The following METTL16 variants were observed in gnomAD, a reference collection of about 807,000 sequenced individuals.
The protein encoded by METTL16 is RNA N(6)-adenosine-methyltransferase METTL16.
METTL16 carries 19 observed loss-of-function variants against 57.9 expected under a neutral mutation model. The observed-to-expected ratio is 0.33, with a 90% CI of 0.23 to 0.48. The LOEUF (loss-of-function observed/expected upper bound fraction) is 0.48. METTL16 is among the 20% of genes least tolerant of loss of function. The probability of loss-of-function intolerance (pLI) is 0.99; values close to 1 mark genes in which losing one functional copy is unlikely to be tolerated. For missense variants in METTL16, 434 were observed against 691.5 expected, an observed-to-expected ratio of 0.63 and a Z score of 4.18; for synonymous variants, 246 against 255.6, an observed-to-expected ratio of 0.96 and a Z score of 0.36.
chr17:2,488,083 G>GA (rs897695162), intron 2 of METTL16, among the ~76,000 whole-genome samples: 10 of 151,670 alleles, frequency 6.6e-5, no homozygotes, highest in African/African-American at 2.2e-4. Context: ...TCTAAAAAAT[G>GA]AAAAAAACCT....
chr17:2,435,967 T>C (rs2066905995), intron 8 of METTL16, among the ~76,000 whole-genome samples: 3 of 152,130 alleles, frequency 2.0e-5, no homozygotes, highest in African/African-American at 7.2e-5. Context: ...TACGTGGACC[T>C]GACAAGGCTA....
At chr17:2,472,516 A>G (rs1400198398) in intron 4 of METTL16, among the ~76,000 whole-genome samples, 1 of 152,212 alleles carries the variant, frequency 6.6e-6, no homozygotes, top group African/African-American at 2.4e-5. Context: ...TTTATTTGTA[A>G]TTGTCAAAAT....
chr17:2,435,952 T>G (rs1345738349), intron 8 of METTL16, among the ~76,000 whole-genome samples: 2 of 152,100 alleles, frequency 1.3e-5, no homozygotes, highest in African/African-American at 4.8e-5. Context: ...AGCAGTGCCC[T>G]TTACTACGTG....
rs1305324314 is a variant in METTL16 at position 2,417,678 on chromosome 17, A to C, written c.*2292T>G. 1.3e-5 allele frequency: 2 copies of C among 152,196 alleles called. No homozygotes were observed. The highest frequency in any genetic ancestry group is 4.8e-5 in the African/African-American group (2 of 41,420). 9.4% of individuals were successfully genotyped at this position (152,196 alleles called of 1,614,324 possible). A position where few individuals can be genotyped will look rare whatever the true frequency, so the allele number is the denominator to read the frequency against. On this transcript the variant is annotated 3_prime_UTR_variant, in exon 10 of 10. Transcript: ENST00000263092. ...TGAATACGCAGCATGAGGACAACCA[A>C]AGTTAAACCCACACACTCACACACC...
intron 2 of METTL16, among the ~76,000 whole-genome samples, chr17:2,480,432 G>T (rs763286695): frequency 3.3e-5 from 5 of 152,166 alleles, no homozygotes; most frequent in African/African-American, 4.8e-5. Context: ...ACAGCAGACA[G>T]AAACAGGATG....
At chr17:2,495,189 G>A (rs1404969397) in intron 2 of METTL16, among the ~76,000 whole-genome samples, 2 of 151,784 alleles carry the variant, frequency 1.3e-5, no homozygotes, top group Non-Finnish European at 2.9e-5. Flanking sequence ...AAAATTAGCT[G>A]GGTGTGGCAG....
intron 2 of METTL16, among the ~76,000 whole-genome samples, chr17:2,498,466 G>A (rs564119934): frequency 5.3e-5 from 8 of 151,464 alleles, no homozygotes; most frequent in Admixed American, 4.6e-4. Flanking sequence ...AGCTGGGCGC[G>A]GTGGCTCACG....
At chr17:2,511,010 C>T (rs1291770014) in intron 1 of METTL16, among the ~76,000 whole-genome samples, 1 of 152,024 alleles carries the variant, frequency 6.6e-6, no homozygotes, top group Admixed American at 6.6e-5. Context: ...TATCCCAACG[C>T]CTAAAATAGG....
In METTL16 at chr17:2,419,503, G is replaced by A; in HGVS notation, c.*467C>T. On this transcript the variant is annotated 3_prime_UTR_variant, in exon 10 of 10. Coordinates refer to ENST00000263092, the MANE Select transcript of METTL16 (RefSeq NM_024086.4). ...CCTTTGTGGGATTGATGCAAGGTAG[G>A]CCCCATCTTGAAGAGTGACCTAGAA... The A allele has an allele frequency of 2.5e-6, 1 of 401,902 alleles. No homozygotes were observed. Among genetic ancestry groups the A allele is most frequent in the Admixed American group, 3.0e-5 (1 of 33,678 alleles). 24.9% of individuals were successfully genotyped at this position (401,902 alleles called of 1,614,324 possible). A position where few individuals can be genotyped will look rare whatever the true frequency, so the allele number is the denominator to read the frequency against.
chr17:2,510,048 G>T (rs1417544661), intron 1 of METTL16, among the ~76,000 whole-genome samples: 1 of 151,892 alleles, frequency 6.6e-6, no homozygotes, highest in Non-Finnish European at 1.5e-5. Flanking sequence ...CTGCACTCCA[G>T]CCTTGGTGAC....
intron 8 of METTL16, among the ~76,000 whole-genome samples, chr17:2,430,796 A>G (rs1289851661): frequency 6.6e-6 from 1 of 152,106 alleles, no homozygotes; most frequent in East Asian, 1.9e-4. Context: ...TTAAGTCTTA[A>G]GAACTTATTT....
intron 6 of METTL16, among the ~76,000 whole-genome samples, chr17:2,449,955 G>T (rs772388155): frequency 2.0e-5 from 3 of 152,114 alleles, no homozygotes; most frequent in Non-Finnish European, 4.4e-5. Context: ...CTACCTACCC[G>T]TTAGAACAGA....
intron 6 of METTL16, among the ~76,000 whole-genome samples, chr17:2,452,594 A>G (rs2067079023): frequency 6.6e-6 from 1 of 152,210 alleles, no homozygotes; most frequent in Non-Finnish European, 1.5e-5. Flanking sequence ...TTATTACAAC[A>G]TTTAGGAATT....
rs542328315 is a variant in METTL16, at chr17:2,507,217, G to A, written c.-1+4542C>T. On this transcript the variant is annotated intron_variant, in intron 1 of 9. Transcript: ENST00000263092. ...AAGGAGGTGAGGGGGTCAGCCCCCC[G>A]CCCGGCCAGCCGCCCCGACCGGGAG... 7.6e-3 allele frequency among the ~76,000 whole-genome samples: 1,091 copies of A among 142,990 alleles called. 6 individuals are homozygous for A. Among genetic ancestry groups the A allele is most frequent in the African/African-American group, 0.027 (1,033 of 38,022 alleles). 93.8% of individuals were successfully genotyped at this position (142,990 alleles called of 152,430 possible).
At chr17:2,425,628 A>ACAAG (rs1306607052) in intron 8 of METTL16, among the ~76,000 whole-genome samples, 1 of 152,234 alleles carries the variant, frequency 6.6e-6, no homozygotes, top group Non-Finnish European at 1.5e-5. Flanking sequence ...AAACAAACAA[A>ACAAG]AAACCAGTTC....
At chr17:2,437,677 G>A (rs181132271) in intron 8 of METTL16, among the ~76,000 whole-genome samples, 57 of 152,126 alleles carry the variant, frequency 3.7e-4, no homozygotes, top group Admixed American at 2.8e-3. Context: ...TCAGCCTCCC[G>A]AGTAGCTGGG....
intron 2 of METTL16, among the ~76,000 whole-genome samples, chr17:2,487,408 G>C (rs1027687627): frequency 6.6e-6 from 1 of 152,234 alleles, no homozygotes; most frequent in African/African-American, 2.4e-5. Flanking sequence ...GAAGGAAAGA[G>C]AGCTGCGGCG....
At chr17:2,468,937 T>C (rs2067219657) in intron 4 of METTL16, among the ~76,000 whole-genome samples, 2 of 151,636 alleles carry the variant, frequency 1.3e-5, no homozygotes, top group African/African-American at 2.4e-5. Context: ...GTTTTTTTTT[T>C]CTAAAAGGCT....
intron 2 of METTL16, among the ~76,000 whole-genome samples, chr17:2,484,641 T>G (rs1358099834): frequency 6.6e-6 from 1 of 152,094 alleles, no homozygotes; most frequent in African/African-American, 2.4e-5. Context: ...ACTACAGACA[T>G]GTACCACCAT....
Sources: gnomAD v4.1 joint callset for allele counts (sites outside exome capture counted in the v4.1 genomes callset) on GRCh38, gnomAD v4.1.1 for gene constraint, MANE v1.5 for transcripts, NCBI Gene and HGNC (gene_info 2026-07-23, HGNC 2026-07-21) for gene names.